Variants in DHRS2 observed in about 807,000 individuals in gnomAD.
DHRS2 encodes the protein dehydrogenase/reductase 2, also known as dehydrogenase/reductase SDR family member 2, mitochondrial.
A neutral mutation model predicts 26.3 loss-of-function variants in DHRS2; 29 were observed. The ratio of observed to expected loss-of-function variants is 1.10; its 90% CI spans 0.82 to 1.50. The LOEUF is 1.50. Ranked by LOEUF, DHRS2 falls within the 40% of genes most tolerant of loss-of-function variation. The pLI is 0.00. For synonymous variants in DHRS2, 164 were observed against 151.3 expected (o/e 1.08, Z -0.62); for missense variants, 439 against 367.1 (o/e 1.20, Z -1.60).
At position 23,639,159 on chromosome 14, in the gene DHRS2, C is replaced by A; in HGVS notation, c.141-20C>A. On this transcript the variant is annotated intron_variant, in intron 2 of 8. Transcript: ENST00000250383. Reference sequence around the variant, plus strand: ...GGAGAGAGGCTGAGGCTGACTTTTGCCCTCCATCTCTGCATTCAGGATCGG... The same window carrying A: ...GGAGAGAGGCTGAGGCTGACTTTTGACCTCCATCTCTGCATTCAGGATCGG... 3 of 1,610,066 alleles carry A rather than the reference C, an allele frequency of 1.9e-6. No individual in the cohort carries two copies. The highest frequency in any genetic ancestry group is 1.1e-5 in the South Asian group (1 of 90,358).
chr14:23,639,087 C>T, intron 2 of DHRS2, 83 bp downstream of exon 2: 2 of 1,593,316 alleles, frequency 1.3e-6, no homozygotes, highest in Non-Finnish European at 1.7e-6. Context: ...TAAAGCAAGA[C>T]CCAGCCTTAT....
At chr14:23,638,376 A>C (rs1014994181) in intron 1 of DHRS2, 1 of 188,250 alleles carries the variant, frequency 5.3e-6, no homozygotes, top group Admixed American at 5.9e-5. Flanking sequence ...CGAGACCAAG[A>C]ACCCACCAAT....
At chr14:23,630,985 T>C (rs1050915816) in intron 1 of DHRS2, among the ~76,000 whole-genome samples, 1 of 152,170 alleles carries the variant, frequency 6.6e-6, no homozygotes, top group Non-Finnish European at 1.5e-5. Flanking sequence ...TCATAGATAA[T>C]AGATTGTAAA....
intron 3 of DHRS2, 120 bp from the exon 4 acceptor site, chr14:23,639,651 CAGGAGCCTGCCCTTGGGACACCT>C: frequency 2.1e-6 from 2 of 953,288 alleles, no homozygotes; most frequent in Non-Finnish European, 1.5e-6. Flanking sequence ...TGCCTGGCCC[CAGGAGCCTGCCCTTGGGACACCT>C]AGGTCATTTT....
At position 23,645,172 on chromosome 14, in the gene DHRS2, C is replaced by T. The variant is rs558436886; in HGVS notation, c.762C>T (p.Ile254=). 1.0e-4 allele frequency: 162 copies of T among 1,614,134 alleles called. No individual in the cohort carries two copies. The highest frequency in any genetic ancestry group is 6.6e-4 in the South Asian group (60 of 91,068). ...RIGESEDCAG[I]VSFLCSPDAS... is the part of the protein sequence containing the mutation. ...GGGAGTCAGAGGACTGTGCAGGAATCGTGTCCTTCCTGTGCTCTCCAGATG... is the reference window on the plus strand; with the variant it reads ...GGGAGTCAGAGGACTGTGCAGGAATTGTGTCCTTCCTGTGCTCTCCAGATG... Residue 254 remains isoleucine, a synonymous_variant, in exon 9 of 9, where the codon ATC becomes ATT. Coordinates refer to ENST00000250383, the MANE Select transcript of DHRS2 (RefSeq NM_005794.4).
At chr14:23,636,030 G>T (rs902654825), upstream of DHRS2, among the ~76,000 whole-genome samples, 10 of 152,316 alleles carry the variant, frequency 6.6e-5, no homozygotes, top group Admixed American at 3.9e-4. Context: ...CTAGCTAAAG[G>T]TTTGTAAATG....
chr14:23,639,197 CCGA>C lies in DHRS2; in HGVS notation c.162_164del (p.Arg55del). ...CATTCAGGATCGGCTTTGCCATCGCCCGACGTCTGGCCCGGGACGGGGCCCACG... is the reference window on the plus strand; with the variant it reads ...CATTCAGGATCGGCTTTGCCATCGCCCGTCTGGCCCGGGACGGGGCCCACG... On this transcript the variant is annotated inframe_deletion, in exon 3 of 9. Coordinates refer to ENST00000250383, the MANE Select transcript of DHRS2 (RefSeq NM_005794.4). 2 of 1,613,722 alleles carry C rather than the reference CCGA, an allele frequency of 1.2e-6. No individual in the cohort carries two copies. The highest frequency in any genetic ancestry group is 4.5e-5 in the East Asian group (2 of 44,884).
In DHRS2 at chr14:23,638,903, T is replaced by G. The variant is rs2295907; in HGVS notation, c.39T>G (p.Phe13Leu). 5.6e-6 allele frequency: 9 copies of G among 1,614,196 alleles called. No individual in the cohort carries two copies. The East Asian group carries it at 1.1e-4, about 20-fold the overall frequency. ...SAVARGYQGW[F>L]HPCARLSVRM... The stretch of plus-strand genomic sequence containing the variant: ...TTGCCCGGGGCTACCAGGGCTGGTT[T>G]CATCCCTGTGCTAGGCTTTCTGTGA... The change falls in exon 2 of 9, where the codon TTT becomes TTG. Residue 13 changes from phenylalanine (F) to leucine (L), a missense_variant. Coordinates refer to ENST00000250383, the MANE Select transcript of DHRS2 (RefSeq NM_005794.4).
chr14:23,634,740 C>A (rs1027202605), upstream of DHRS2, among the ~76,000 whole-genome samples: 5 of 152,112 alleles, frequency 3.3e-5, no homozygotes, highest in African/African-American at 4.8e-5. Context: ...TGTGTCCCTG[C>A]CCAAATCTCA....
intron 1 of DHRS2, among the ~76,000 whole-genome samples, chr14:23,637,841 T>G (rs960021933): frequency 1.4e-4 from 22 of 152,108 alleles, no homozygotes; most frequent in African/African-American, 5.3e-4. Flanking sequence ...TCTGTCAAAA[T>G]GGACCAATCA....
At chr14:23,645,010 C>G in intron 8 of DHRS2, 128 bp downstream of exon 8, 7 of 1,558,814 alleles carry the variant, frequency 4.5e-6, no homozygotes, top group Middle Eastern at 1.7e-4. Context: ...CCACATGGCC[C>G]TGGAGGGTGC....
At chr14:23,632,561 A>C (rs770402674), upstream of DHRS2, among the ~76,000 whole-genome samples, 1 of 152,234 alleles carries the variant, frequency 6.6e-6, no homozygotes, top group Non-Finnish European at 1.5e-5. Context: ...CACTGAGTAC[A>C]GACTGATATT....
chr14:23,644,213 TTG>T (rs751970032), intron 6 of DHRS2, 51 bp downstream of exon 6: 185 of 1,602,194 alleles, frequency 1.2e-4, no homozygotes, highest in Non-Finnish European at 1.5e-4. Context: ...AGGGGCAACT[TTG>T]TTCTTTTCCT....
chr14:23,644,740 C>T, intron 7 of DHRS2, 87 bp from the exon 8 acceptor site: 1 of 1,527,082 alleles, frequency 6.5e-7, no homozygotes, highest in Non-Finnish European at 9.1e-7. Context: ...GCAAAGCTGC[C>T]CTAGGTGTTC....
intron 7 of DHRS2, 59 bp downstream of exon 7, chr14:23,644,602 G>A (rs1890800954): frequency 6.2e-7 from 1 of 1,613,090 alleles, no homozygotes; most frequent in Non-Finnish European, 8.5e-7. Flanking sequence ...CCTTCCCAGT[G>A]AATAAGGGAT....
chr14:23,639,952 C>A (rs561528387), intron 4 of DHRS2, 57 bp downstream of exon 4: 14 of 1,379,352 alleles, frequency 1.0e-5, no homozygotes, highest in African/African-American at 1.5e-5. Context: ...CTGCACTGGG[C>A]TCCAGCATGC....
chr14:23,645,307 G>C lies in DHRS2; in HGVS notation c.*54G>C. Reference sequence around the variant, plus strand: ...GTCCCAGGCCCAGGAGCCTGAGGGGGTGTCTAGGTGATCATTTGGATCTGG... The same window carrying C: ...GTCCCAGGCCCAGGAGCCTGAGGGGCTGTCTAGGTGATCATTTGGATCTGG... On this transcript the variant is annotated 3_prime_UTR_variant, in exon 9 of 9. Transcript: ENST00000250383. The C allele has an allele frequency of 1.9e-6, 3 of 1,611,762 alleles. No individual in the cohort carries two copies. In the African/African-American group the frequency reaches 4.0e-5, roughly 21 times the overall value.
intron 7 of DHRS2, 49 bp downstream of exon 7, chr14:23,644,592 C>G: frequency 6.2e-7 from 1 of 1,613,156 alleles, no homozygotes; most frequent in African/African-American, 1.3e-5. Context: ...CAGTGGGAAC[C>G]CTTCCCAGTG....
At chr14:23,645,030 T>G in intron 8 of DHRS2, 112 bp from the exon 9 acceptor site, 1 of 1,573,036 alleles carries the variant, frequency 6.4e-7, no homozygotes, top group Non-Finnish European at 8.7e-7. Flanking sequence ...CAAGTAGCCC[T>G]GCTGCATCCA....
Sources: gnomAD v4.1 joint callset for allele counts (sites outside exome capture counted in the v4.1 genomes callset) on GRCh38, gnomAD v4.1.1 for gene constraint, MANE v1.5 for transcripts, NCBI Gene and HGNC (gene_info 2026-07-23, HGNC 2026-07-21) for gene names.